Variants in ZNF562 observed in about 807,000 individuals in gnomAD.
The protein encoded by ZNF562 is zinc finger protein 562.
In ZNF562, 13 loss-of-function variants were observed where a neutral mutation model predicts 17.5. The observed-to-expected ratio is 0.74, with a 90% confidence interval of 0.48 to 1.18. The LOEUF (loss-of-function observed/expected upper bound fraction) is 1.18. Ranked by LOEUF, ZNF562 falls within the 50% of genes most tolerant of loss-of-function variation. ZNF562 has a pLI of 0.00. For missense variants in ZNF562, 481 were observed against 498.5 expected (o/e 0.96, Z 0.33); for synonymous variants, 163 against 165.4 (o/e 0.99, Z 0.11).
intron 1 of ZNF562, among the ~76,000 whole-genome samples, chr19:9,663,126 A>G (rs2043817990): frequency 6.7e-6 from 1 of 148,534 alleles, no homozygotes; most frequent in Non-Finnish European, 1.5e-5. Flanking sequence ...CCAGAACTGG[A>G]TGGGTGCAGT....
At chr19:9,669,704 A>T (rs1334074342) in intron 1 of ZNF562, among the ~76,000 whole-genome samples, 2 of 106,772 alleles carry the variant, frequency 1.9e-5, no homozygotes, top group African/African-American at 4.4e-5. Context: ...ACCTGTCTGC[A>T]TGCACGCGCG....
intron 1 of ZNF562, 133 bp downstream of exon 1, chr19:9,674,882 A>G (rs2044351201): frequency 6.6e-6 from 1 of 152,274 alleles, no homozygotes; most frequent in Admixed American, 6.5e-5. Context: ...CAGAGGCCGC[A>G]CCAGGAGGAC....
At chr19:9,656,877 T>A (rs1312821039) in intron 4 of ZNF562, among the ~76,000 whole-genome samples, 13 of 140,264 alleles carry the variant, frequency 9.3e-5, no homozygotes, top group South Asian at 2.5e-4. Flanking sequence ...CAAAAATATA[T>A]ATATATATAT....
At position 9,652,679 on chromosome 19, in the gene ZNF562, C is replaced by T. The variant is rs201195665; in HGVS notation, c.*270G>A. The T allele has an allele frequency of 3.6e-6, 1 of 277,196 alleles. No individual in the cohort carries two copies. The highest frequency in any genetic ancestry group is 6.7e-5 in the East Asian group (1 of 15,024). The allele number at this position is 277,196 out of a possible 1,614,324, so 17.2% of individuals were successfully genotyped here. ...GATGCATCTAAGGCCAATCTGTGAGCCATTACAACCTCCAAAAGGCATTTA... is the reference window on the plus strand; with the variant it reads ...GATGCATCTAAGGCCAATCTGTGAGTCATTACAACCTCCAAAAGGCATTTA... On this transcript the variant is annotated 3_prime_UTR_variant, in exon 6 of 6. Transcript: ENST00000453372.
At position 9,653,455 on chromosome 19, in the gene ZNF562, ATT is replaced by A. The variant is rs1206951730; in HGVS notation, c.773_774del (p.Lys258IlefsTer5). 1 of 1,614,182 alleles carries A rather than the reference ATT, an allele frequency of 6.2e-7. No individual in the cohort carries two copies. Among genetic ancestry groups the A allele is most frequent in the East Asian group, 2.2e-5 (1 of 44,880 alleles). On this transcript the variant is annotated frameshift_variant, in exon 6 of 6. Transcript: ENST00000453372. LOFTEE classifies it low-confidence loss of function (END_TRUNC). ...KQCVAVHTGKKSEKTKNCGKS... is the reference protein window; with the variant it reads ...KQCVAVHTGKXSEKTKNCGKS... ...TTCCCACAGTTCTTAGTCTTTTCGG[ATT>A]TCTTTCCAGTATGAACTGCTACACA...
Position 9,652,141 on chromosome 19 carries a change from G to A in ZNF562, c.*808C>T, listed in dbSNP as rs1055090372. 2.6e-5 allele frequency: 4 copies of A among 152,336 alleles called. No individual in the cohort carries two copies. Among genetic ancestry groups the A allele is most frequent in the Non-Finnish European group, 5.9e-5 (4 of 68,042 alleles). The allele number at this position is 152,336 out of a possible 1,614,324, so 9.4% of individuals were successfully genotyped here. On this transcript the variant is annotated 3_prime_UTR_variant, in exon 6 of 6. Transcript: ENST00000453372. ...GACTATATCAGCCATCTTAACAGAAGTGAGAAGAGAGACTGGATTATACTA... is the reference window on the plus strand; with the variant it reads ...GACTATATCAGCCATCTTAACAGAAATGAGAAGAGAGACTGGATTATACTA...
intron 1 of ZNF562, among the ~76,000 whole-genome samples, chr19:9,670,466 T>A (rs73501254): frequency 6.6e-6 from 1 of 152,038 alleles, no homozygotes; most frequent in African/African-American, 2.4e-5. Context: ...AAAGAAAATA[T>A]GGTATATATA....
chr19:9,659,424 T>G lies in ZNF562; in HGVS notation c.69A>C (p.Thr23=), dbSNP rs553417233. 3 of 1,551,590 alleles carry G rather than the reference T, an allele frequency of 1.9e-6. No individual in the cohort carries two copies. Among genetic ancestry groups the G allele is most frequent in the Non-Finnish European group, 2.6e-6 (3 of 1,146,942 alleles). ...REPICPFEEK[T]KIGTMVEDHR... ...GGTCCTCTACCATCGTTCCTATCTT[T>G]GTCTTTTCTTCAAAAGGACAGATTG... The change falls in exon 3 of 6, where the codon ACA becomes ACC. Residue 23 remains threonine (T), a synonymous_variant. Transcript: ENST00000453372.
intron 1 of ZNF562, among the ~76,000 whole-genome samples, chr19:9,669,593 G>T (rs527407693): frequency 6.6e-6 from 1 of 152,224 alleles, no homozygotes; most frequent in East Asian, 1.9e-4. Context: ...AGGCTGCGGT[G>T]GGAGATCACT....
At chr19:9,666,910 G>C (rs1167243473) in intron 1 of ZNF562, among the ~76,000 whole-genome samples, 1 of 152,108 alleles carries the variant, frequency 6.6e-6, no homozygotes, top group Admixed American at 6.6e-5. Flanking sequence ...CCCAGGACCT[G>C]ATAACTTCAC....
At position 9,653,821 on chromosome 19, in the gene ZNF562, G is replaced by A. The variant is rs879667239; in HGVS notation, c.409C>T (p.Gln137Ter). Reference sequence around the variant, plus strand: ...CTCATGTGTGTCTTAAGGCAAAACTGTTCACTGAAGACCTCTCCACAATTC... The same window carrying A: ...CTCATGTGTGTCTTAAGGCAAAACTATTCACTGAAGACCTCTCCACAATTC... ...CENCGEVFSE[Q>*]FCLKTHMRAQ... Residue 137 changes from glutamine to a stop codon, truncating the protein, a stop_gained, in exon 6 of 6, where the codon CAG becomes TAG. Coordinates refer to ENST00000453372, the MANE Select transcript of ZNF562 (RefSeq NM_001130031.2). LOFTEE classifies it low-confidence loss of function (END_TRUNC). 1.2e-6 allele frequency: 2 copies of A among 1,611,920 alleles called. No individual in the cohort carries two copies. Among genetic ancestry groups the A allele is most frequent in the Non-Finnish European group, 1.7e-6 (2 of 1,179,078 alleles).
rs976127152 is a variant in ZNF562, at chr19:9,650,566, T to C, written c.*2383A>G. 6.6e-6 allele frequency: 1 copy of C among 152,074 alleles called. No individual in the cohort carries two copies. The allele number at this position is 152,074 out of a possible 1,614,324, so 9.4% of individuals were successfully genotyped here. Reference sequence around the variant, plus strand: ...TGTGAAAACATGAGGAAGTGGGCACTTACATGCCAGGAAGAGAGCTCTCAC... The same window carrying C: ...TGTGAAAACATGAGGAAGTGGGCACCTACATGCCAGGAAGAGAGCTCTCAC... On this transcript the variant is annotated 3_prime_UTR_variant, in exon 6 of 6. Transcript: ENST00000453372.
rs372911375 is a variant in ZNF562 at position 9,660,683 on chromosome 19, G to A, written c.25+37C>T. On this transcript the variant is annotated intron_variant, in intron 2 of 5. Transcript: ENST00000453372. ...CTTATGTTGTGGAGGGCGACCTAAAGCAGAATCTCTGAAAAAGAGCATCAA... is the reference window on the plus strand; with the variant it reads ...CTTATGTTGTGGAGGGCGACCTAAAACAGAATCTCTGAAAAAGAGCATCAA... The A allele has an allele frequency of 2.5e-6, 4 of 1,609,734 alleles. No homozygotes were observed. In the African/African-American group the frequency reaches 4.0e-5, roughly 16 times the overall value.
chr19:9,663,459 C>A (rs2145012670), intron 1 of ZNF562, among the ~76,000 whole-genome samples: 2 of 151,294 alleles, frequency 1.3e-5, no homozygotes, highest in Non-Finnish European at 2.9e-5. Context: ...AATCACTCCA[C>A]ACCATTGCCT....
At chr19:9,663,480 T>C (rs1281711803) in intron 1 of ZNF562, among the ~76,000 whole-genome samples, 1 of 150,970 alleles carries the variant, frequency 6.6e-6, no homozygotes, top group Non-Finnish European at 1.5e-5. Flanking sequence ...CCAGACTGCA[T>C]AAATTTTCCT....
intron 5 of ZNF562, among the ~76,000 whole-genome samples, chr19:9,655,717 C>CTTTTTTTTTTTTTTTTTTTTTT (rs58199071): frequency 4.1e-5 from 2 of 48,678 alleles, no homozygotes; most frequent in African/African-American, 1.6e-4. Context: ...TCTTTTCTTT[C>CTTTTTTTTTTTTTTTTTTTTTT]TTTTTTTTTT....
Position 9,642,998 on chromosome 19 carries a change from C to T in ZNF562, c.*9951G>A. ...TCGAGGCTGCAGTGAGCTATGATTG[C>T]ACCACTGCACTCCAGCCTAGGTGAC... is the stretch of plus-strand genomic sequence containing the variant. On this transcript the variant is annotated 3_prime_UTR_variant, in exon 6 of 6. Coordinates refer to ENST00000453372, the MANE Select transcript of ZNF562 (RefSeq NM_001130031.2). 1 of 148,846 alleles carries T rather than the reference C, an allele frequency of 6.7e-6. No homozygotes were observed. The highest frequency in any genetic ancestry group is 1.5e-5 in the Non-Finnish European group (1 of 67,786). The allele number at this position is 148,846 out of a possible 1,614,324, so 9.2% of individuals were successfully genotyped here.
At position 9,659,360 on chromosome 19, in the gene ZNF562, C is replaced by A. The variant is rs569962203; in HGVS notation, c.114+19G>T. 1 of 1,542,450 alleles carries A rather than the reference C, an allele frequency of 6.5e-7. No homozygotes were observed. Among genetic ancestry groups the A allele is most frequent in the Non-Finnish European group, 8.8e-7 (1 of 1,139,096 alleles). On this transcript the variant is annotated intron_variant, in intron 3 of 5. Transcript: ENST00000453372. ...GATGTAAGTATGTCATTTTGTACAACGGTACATTTTCTGTTTACCTGGTAA... is the reference window on the plus strand; with the variant it reads ...GATGTAAGTATGTCATTTTGTACAAAGGTACATTTTCTGTTTACCTGGTAA...
intron 1 of ZNF562, among the ~76,000 whole-genome samples, chr19:9,662,662 ACAAGGTC>A (rs775392234): frequency 1.5e-4 from 23 of 151,930 alleles, no homozygotes; most frequent in Non-Finnish European, 2.5e-4. Flanking sequence ...TAGGCAGACC[ACAAGGTC>A]AGGAGATCGA....
Sources: allele counts gnomAD v4.1 joint callset (sites outside exome capture counted in the v4.1 genomes callset), GRCh38; gene constraint gnomAD v4.1.1; transcripts MANE v1.5; gene names NCBI Gene and HGNC (gene_info 2026-07-23, HGNC 2026-07-21).